Variants in NSD2 observed in about 807,000 individuals in gnomAD.
NSD2 encodes the protein histone-lysine N-methyltransferase NSD2.
In NSD2, 12 loss-of-function variants were observed where a neutral mutation model predicts 139.0. The observed-to-expected ratio is 0.09, with a 90% CI of 0.06 to 0.14. The LOEUF is 0.14. Among genes scored for constraint, NSD2 ranks in the 10% least tolerant of loss-of-function variants. The pLI, the probability that NSD2 is intolerant of heterozygous loss-of-function variation, is 1.00. For synonymous variants in NSD2, 669 were observed against 648.7 expected, an observed-to-expected ratio of 1.03 and a Z score of -0.48; for missense variants, 1,155 against 1,745.0, an observed-to-expected ratio of 0.66 and a Z score of 6.02.
intron 1 of NSD2, among the ~76,000 whole-genome samples, chr4:1,884,008 A>G (rs1006585446): frequency 6.6e-6 from 1 of 152,224 alleles, no homozygotes; most frequent in Non-Finnish European, 1.5e-5. Flanking sequence ...GAAAAATGAC[A>G]TTTCAGCAGA....
At chr4:1,906,308 A>G (rs965019163) in intron 3 of NSD2, among the ~76,000 whole-genome samples, 1 of 151,978 alleles carries the variant, frequency 6.6e-6, no homozygotes, top group Non-Finnish European at 1.5e-5. Flanking sequence ...GCGCAGTCTT[A>G]GCTCACTGCA....
intron 9 of NSD2, chr4:1,947,016 G>A (rs576841528): frequency 8.6e-4 from 912 of 1,063,832 alleles, no homozygotes; most frequent in Non-Finnish European, 9.8e-4. Context: ...AATGACTGAG[G>A]TAGGGGTGGG....
At chr4:1,939,910 G>A (rs1308107021) in intron 9 of NSD2, 132 bp downstream of exon 9, 1 of 1,535,994 alleles carries the variant, frequency 6.5e-7, no homozygotes, top group East Asian at 2.3e-5. Context: ...GATGTTTTAG[G>A]GCCTCTTGGC....
chr4:1,955,381 C>T lies in NSD2; in HGVS notation c.2518+41C>T, dbSNP rs747953798. The T allele has an allele frequency of 3.2e-6, 5 of 1,572,616 alleles. No homozygotes were observed. Among genetic ancestry groups the T allele is most frequent in the Non-Finnish European group, 4.3e-6 (5 of 1,155,906 alleles). The stretch of plus-strand genomic sequence containing the variant: ...GTGTCTGCGGCACACGCCTCTCACA[C>T]TCCCAGGAGCCACATATCAAGGCAG... On this transcript the variant is annotated intron_variant, in intron 13 of 21. Coordinates refer to ENST00000508803, the MANE Select transcript of NSD2 (RefSeq NM_001042424.3). This position sits in a 1 kb window ranked among gnomAD's most constrained non-coding sequence, Gnocchi z 4.7.
At chr4:1,945,483 G>A (rs553420075) in intron 9 of NSD2, 268 of 1,063,380 alleles carry the variant, frequency 2.5e-4, no homozygotes, top group Non-Finnish European at 2.9e-4. Context: ...TTATAAATTA[G>A]CATCTAGTTC....
chr4:1,959,806 T>G (rs1307473193), intron 17 of NSD2, 66 bp downstream of exon 17: 2 of 1,579,462 alleles, frequency 1.3e-6, no homozygotes, highest in African/African-American at 2.7e-5. Flanking sequence ...TAGGCCTAGG[T>G]TTGCTTGTGG....
chr4:1,945,231 G>C (rs373449037), intron 9 of NSD2: 2 of 1,066,878 alleles, frequency 1.9e-6, no homozygotes, highest in African/African-American at 3.3e-5. Context: ...AAGACGGGGT[G>C]GGGTGGGGAG....
chr4:1,975,213 T>C (rs959792656), intron 19 of NSD2, 81 bp from the exon 20 acceptor site: 105 of 1,460,808 alleles, frequency 7.2e-5, no homozygotes, highest in Non-Finnish European at 9.0e-5. Context: ...AGAGTATTTT[T>C]GTTGACCTAA....
At chr4:1,898,443 T>TC (rs1197490117) in intron 1 of NSD2, among the ~76,000 whole-genome samples, 2 of 152,020 alleles carry the variant, frequency 1.3e-5, no homozygotes, top group East Asian at 3.9e-4. Flanking sequence ...GGCGGGCGGA[T>TC]CACGAAGTCA....
chr4:1,934,886 T>A (rs1722183557), intron 6 of NSD2, among the ~76,000 whole-genome samples: 1 of 113,888 alleles, frequency 8.8e-6, no homozygotes, highest in African/African-American at 3.5e-5. Flanking sequence ...AAAATATATA[T>A]ATATATATAT....
At chr4:1,933,418 G>T (rs1721910815) in intron 6 of NSD2, among the ~76,000 whole-genome samples, 1 of 152,174 alleles carries the variant, frequency 6.6e-6, no homozygotes, top group Non-Finnish European at 1.5e-5. Context: ...TTGGAGTCTT[G>T]CTCTGTCGCC....
At chr4:1,962,596 G>A (rs1725478834) in intron 18 of NSD2, among the ~76,000 whole-genome samples, 1 of 152,206 alleles carries the variant, frequency 6.6e-6, no homozygotes, top group South Asian at 2.1e-4. Context: ...TACTGAATGA[G>A]TGAAGGGTAT....
At chr4:1,916,804 A>G in intron 3 of NSD2, 67 bp from the exon 4 acceptor site, 1 of 1,493,378 alleles carries the variant, frequency 6.7e-7, no homozygotes, top group Non-Finnish European at 9.1e-7. Context: ...GCAAAATAGC[A>G]GTAGATTTGA....
chr4:1,917,785 T>G (rs1373247325), intron 4 of NSD2, among the ~76,000 whole-genome samples: 3 of 150,586 alleles, frequency 2.0e-5, no homozygotes, highest in Non-Finnish European at 4.4e-5. Context: ...ATTCTTTTTT[T>G]TTTTTTTTTT....
chr4:1,914,126 G>A (rs1191817628), intron 3 of NSD2, among the ~76,000 whole-genome samples: 1 of 152,154 alleles, frequency 6.6e-6, no homozygotes, highest in Non-Finnish European at 1.5e-5. Flanking sequence ...GGGTTCAAGT[G>A]ATTCTCGTGC....
chr4:1,916,446 C>T (rs1047900775), intron 3 of NSD2, among the ~76,000 whole-genome samples: 2 of 152,138 alleles, frequency 1.3e-5, no homozygotes, highest in East Asian at 1.9e-4. Flanking sequence ...CCCAGGCTCA[C>T]GCCATCCTCT....
chr4:1,916,448 C>A (rs1382655712), intron 3 of NSD2, among the ~76,000 whole-genome samples: 1 of 152,188 alleles, frequency 6.6e-6, no homozygotes, highest in Non-Finnish European at 1.5e-5. Flanking sequence ...CAGGCTCACG[C>A]CATCCTCTCA....
In NSD2 at chr4:1,931,866, G is replaced by A. The variant is rs532634893; in HGVS notation, c.1555+1096G>A. On this transcript the variant is annotated intron_variant, in intron 6 of 21. Coordinates refer to ENST00000508803, the MANE Select transcript of NSD2 (RefSeq NM_001042424.3). ...CTATCAGTACACTAAATTTAGAGAC[G>A]TGTTCCTTTTAAATGACTGGCTTAT... 7.2e-5 allele frequency among the ~76,000 whole-genome samples: 11 copies of A among 152,238 alleles called. No homozygotes were observed. In the East Asian group the frequency reaches 1.5e-3, roughly 21 times the overall value.
At position 1,980,095 on chromosome 4, in the gene NSD2, C is replaced by T. The variant is rs1727608381; in HGVS notation, c.*1186C>T. 1.3e-5 allele frequency: 3 copies of T among 233,456 alleles called. No individual in the cohort carries two copies. The highest frequency in any genetic ancestry group is 6.6e-5 in the African/African-American group (3 of 45,476). The allele number at this position is 233,456 out of a possible 1,614,324, so 14.5% of individuals were successfully genotyped here. ...AGGGCACCTACTGAGAGGTGCGGTCCTGGGGGTGGAGGCCTGCCTGGCAGG... is the reference window on the plus strand; with the variant it reads ...AGGGCACCTACTGAGAGGTGCGGTCTTGGGGGTGGAGGCCTGCCTGGCAGG... On this transcript the variant is annotated 3_prime_UTR_variant, in exon 22 of 22. Transcript: ENST00000508803.
Sources: allele counts gnomAD v4.1 joint callset (sites outside exome capture counted in the v4.1 genomes callset), GRCh38; gene constraint gnomAD v4.1.1; non-coding constraint Gnocchi (gnomAD v3.1); transcripts MANE v1.5; gene names NCBI Gene and HGNC (gene_info 2026-07-23, HGNC 2026-07-21).